Variants in CAPN3 observed in about 807,000 individuals in gnomAD.
The protein encoded by CAPN3 is calpain-3.
Under a neutral mutation model 114.0 loss-of-function variants are expected in CAPN3, and 88 were observed. The observed-to-expected ratio is 0.77, with a 90% CI of 0.65 to 0.92. CAPN3 has a LOEUF of 0.92. Among genes scored for constraint, CAPN3 ranks in the 40% least tolerant of loss-of-function variants. The pLI is 0.00. For missense variants in CAPN3, 1,028 were observed against 1,069.0 expected (o/e 0.96, Z 0.53); for synonymous variants, 386 against 382.9 (o/e 1.01, Z -0.09).
intron 2 of CAPN3, among the ~76,000 whole-genome samples, chr15:42,385,194 A>T (rs1477493291): frequency 1.3e-5 from 2 of 152,178 alleles, no homozygotes; most frequent in Non-Finnish European, 2.9e-5. Flanking sequence ...CAACAGAAAC[A>T]ATTTAAATTT....
At chr15:42,363,858 T>C (rs1044639473) in intron 1 of CAPN3, among the ~76,000 whole-genome samples, 13 of 152,128 alleles carry the variant, frequency 8.5e-5, no homozygotes, top group Admixed American at 7.2e-4. Flanking sequence ...GCGCCAGATC[T>C]CCCAGTTAGT....
At chr15:42,380,756 T>A (rs1398657600) in intron 1 of CAPN3, among the ~76,000 whole-genome samples, 6,755 of 100,702 alleles carry the variant, frequency 0.067, 69 homozygotes, top group African/African-American at 0.09. Flanking sequence ...TATATATTTT[T>A]TTTTTTTTTT....
chr15:42,379,001 C>T (rs1416855211), intron 1 of CAPN3, among the ~76,000 whole-genome samples: 1 of 152,078 alleles, frequency 6.6e-6, no homozygotes, highest in East Asian at 1.9e-4. Flanking sequence ...TCTGTGAAGA[C>T]ACTGTAGGCT....
chr15:42,395,607 A>G lies in CAPN3; in HGVS notation c.1116-1193A>G, dbSNP rs941295283. Among the ~76,000 whole-genome samples the G allele has an allele frequency of 6.6e-5, 10 of 152,244 alleles. No homozygotes were observed. In the East Asian group the frequency reaches 9.6e-4, roughly 15 times the overall value. On this transcript the variant is annotated intron_variant, in intron 8 of 23. Coordinates refer to ENST00000397163, the MANE Select transcript of CAPN3 (RefSeq NM_000070.3). ...GCCCTCAGTGACTCCTCAGTTGTCT[A>G]CTTCACTGGCCCAAGTCACCTGCAG...
intron 14 of CAPN3, chr15:42,404,337 A>G: frequency 2.2e-6 from 1 of 456,550 alleles, no homozygotes; most frequent in South Asian, 1.5e-5. Context: ...GCACTCAAAC[A>G]GAGGTGCTTT....
chr15:42,391,198 C>G (rs947471970), intron 6 of CAPN3, among the ~76,000 whole-genome samples: 6 of 152,158 alleles, frequency 3.9e-5, no homozygotes, highest in African/African-American at 1.4e-4. Flanking sequence ...ACCCAATACC[C>G]TATTATTGGA....
Position 42,360,763 on chromosome 15 carries a change from G to A in CAPN3, c.309+649G>A, listed in dbSNP as rs28364376. Among the ~76,000 whole-genome samples, 104 of 152,222 alleles carry A rather than the reference G, an allele frequency of 6.8e-4. 2 individuals are homozygous for A. The East Asian group carries it at 0.019, about 28-fold the overall frequency. On this transcript the variant is annotated intron_variant, in intron 1 of 23. Transcript: ENST00000397163. The stretch of plus-strand genomic sequence containing the variant: ...ATCTAGTGGGCACATGACAGAGCCC[G>A]GATTAAAACTTTCTGTTTTAGGAAA...
chr15:42,403,833 T>C, intron 14 of CAPN3, 56 bp downstream of exon 14: 1 of 1,471,630 alleles, frequency 6.8e-7, no homozygotes, highest in Non-Finnish European at 9.5e-7. Flanking sequence ...TCCCTGACCA[T>C]GCAGGGGACA....
At chr15:42,363,365 A>G (rs562142926) in intron 1 of CAPN3, among the ~76,000 whole-genome samples, 18 of 152,238 alleles carry the variant, frequency 1.2e-4, no homozygotes, top group Non-Finnish European at 2.2e-4. Flanking sequence ...AATGGGTTCT[A>G]GAACAGGGCT....
intron 3 of CAPN3, 30 bp downstream of exon 3, chr15:42,386,315 C>A: frequency 6.7e-7 from 1 of 1,490,270 alleles, no homozygotes; most frequent in Non-Finnish European, 9.4e-7. Flanking sequence ...GTTAAGAGGG[C>A]CAGCGGCAGG....
rs778080489 is a variant in CAPN3 at position 42,411,802 on chromosome 15, A to G, written c.*29A>G. The G allele has an allele frequency of 3.1e-6, 5 of 1,612,656 alleles. No individual in the cohort carries two copies. In the Admixed American group the frequency reaches 8.4e-5, roughly 27 times the overall value. ...AGGCTGGCCTCATCCAAAGCCATGC[A>G]GGATCACTCAGGATTTCAGTTTCAC... On this transcript the variant is annotated 3_prime_UTR_variant, in exon 24 of 24. Transcript: ENST00000397163.
intron 1 of CAPN3, among the ~76,000 whole-genome samples, chr15:42,371,471 C>G (rs1195336156): frequency 1.3e-5 from 2 of 152,136 alleles, no homozygotes; most frequent in African/African-American, 4.8e-5. Context: ...TTTTTGTACA[C>G]TTGTCTGTTC....
intron 1 of CAPN3, among the ~76,000 whole-genome samples, chr15:42,361,374 G>T (rs187657106): frequency 6.6e-6 from 1 of 152,158 alleles, no homozygotes; most frequent in Admixed American, 6.5e-5. Flanking sequence ...CAGAGGCTGA[G>T]GTGGGAAGAT....
At chr15:42,402,517 T>C (rs2053901743) in intron 12 of CAPN3, 2 of 1,436,936 alleles carry the variant, frequency 1.4e-6, no homozygotes, top group Admixed American at 2.6e-5. Context: ...TTGGGGGTCC[T>C]TCCAGCCTGA....
chr15:42,388,929 C>T lies in CAPN3; in HGVS notation c.634C>T (p.Leu212Phe), dbSNP rs1484905689. 1.2e-6 allele frequency: 2 copies of T among 1,613,934 alleles called. No individual in the cohort carries two copies. The highest frequency in any genetic ancestry group is 1.1e-5 in the South Asian group (1 of 91,062). The change falls in exon 5 of 24, where the codon CTC becomes TTC. Residue 212 changes from leucine to phenylalanine, a missense_variant and splice_region_variant. By Grantham distance (22) the Leu-to-Phe change is conservative. Coordinates refer to ENST00000397163, the MANE Select transcript of CAPN3 (RefSeq NM_000070.3). ...SALLEKAYAK[L>F]HGSYEALKGG... ...ATTGGTCTTCATCCTCTCTCTAAGG[C>T]TCCATGGTTCCTACGAAGCTCTGAA...
rs766405190 is a variant in CAPN3, at chr15:42,402,907, T to C, written c.1650T>C (p.Pro550=). ...AGGTGTCCCAGCGCTTCCGCCTGCCTCCCAGCGAGTACGTCATCGTGCCCT... is the reference window on the plus strand; with the variant it reads ...AGGTGTCCCAGCGCTTCCGCCTGCCCCCCAGCGAGTACGTCATCGTGCCCT... ...MREVSQRFRL[P]PSEYVIVPST... The change falls in exon 13 of 24, where the codon CCT becomes CCC. Residue 550 remains proline, a synonymous_variant. Transcript: ENST00000397163. 9 of 1,614,018 alleles carry C rather than the reference T, an allele frequency of 5.6e-6. No individual in the cohort carries two copies. The East Asian group carries it at 1.6e-4, about 28-fold the overall frequency.
rs2141210510 is a variant in CAPN3, at chr15:42,405,963, G to C, written c.1800+20G>C. 6.2e-7 allele frequency: 1 copy of C among 1,608,292 alleles called. No homozygotes were observed. Among genetic ancestry groups the C allele is most frequent in the Middle Eastern group, 1.7e-4 (1 of 6,046 alleles). ...ACCAAGGTAGGTGTGTGGGTAGAGA[G>C]CATGAAGTGTGTGTACTCATGCATA... is the stretch of plus-strand genomic sequence containing the variant. On this transcript the variant is annotated intron_variant, in intron 15 of 23. Transcript: ENST00000397163.
chr15:42,390,021 G>A lies in CAPN3; in HGVS notation c.870G>A (p.Met290Ile). The change falls in exon 6 of 24, where the codon ATG becomes ATA. Residue 290 changes from methionine to isoleucine, a missense_variant. Met to Ile is a conservative substitution (Grantham distance 10, BLOSUM62 1). Coordinates refer to ENST00000397163, the MANE Select transcript of CAPN3 (RefSeq NM_000070.3). Reference sequence around the variant, plus strand: ...ACATGGGGGAGTTGATTGCACGGATGGTAAGGAATATGGATAACTCACTGC... The same window carrying A: ...ACATGGGGGAGTTGATTGCACGGATAGTAAGGAATATGGATAACTCACTGC... ...GLNMGELIAR[M>I]VRNMDNSLLQ... 6.2e-7 allele frequency: 1 copy of A among 1,614,082 alleles called. No individual in the cohort carries two copies. The highest frequency in any genetic ancestry group is 1.1e-5 in the South Asian group (1 of 91,080).
chr15:42,408,168 T>C, intron 15 of CAPN3, 43 bp from the exon 16 acceptor site: 1 of 1,358,268 alleles, frequency 7.4e-7, no homozygotes, highest in South Asian at 1.2e-5. Flanking sequence ...CTGTTCAGAC[T>C]GTAATCCTCC....
Sources: allele counts gnomAD v4.1 joint callset (sites outside exome capture counted in the v4.1 genomes callset), GRCh38; gene constraint gnomAD v4.1.1; transcripts MANE v1.5; gene names NCBI Gene and HGNC (gene_info 2026-07-23, HGNC 2026-07-21).